ERBB4: variants seen among roughly 807,000 people sequenced by gnomAD.
ERBB4 encodes the protein receptor tyrosine-protein kinase erbB-4.
A neutral mutation model predicts 158.0 loss-of-function variants in ERBB4; 42 were observed. The ratio of observed to expected loss-of-function variants is 0.27; its 90% CI spans 0.21 to 0.34. ERBB4 has a LOEUF of 0.34. Among genes scored for constraint, ERBB4 ranks in the 10% least tolerant of loss-of-function variants. ERBB4 has a pLI of 1.00. For missense variants in ERBB4, 1,333 were observed against 1,624.1 expected (o/e 0.82, Z 3.08); for synonymous variants, 583 against 558.7 (o/e 1.04, Z -0.61).
intron 20 of ERBB4, among the ~76,000 whole-genome samples, chr2:211,462,217 G>A (rs1055413703): frequency 1.3e-5 from 2 of 151,880 alleles, no homozygotes; most frequent in Non-Finnish European, 2.9e-5. Flanking sequence ...GGGCAGGGGT[G>A]CTACACACTT....
chr2:212,524,198 T>C (rs1692322149), intron 1 of ERBB4, among the ~76,000 whole-genome samples: 1 of 152,024 alleles, frequency 6.6e-6, no homozygotes, highest in South Asian at 2.1e-4. Context: ...TTACCAAAAT[T>C]ATAATAATTA....
chr2:211,501,923 A>G (rs1185326312), intron 20 of ERBB4, among the ~76,000 whole-genome samples: 4 of 152,144 alleles, frequency 2.6e-5, no homozygotes, highest in South Asian at 2.1e-4. Flanking sequence ...CAGAGCATTT[A>G]TTAACGACTT....
chr2:212,492,648 C>CA, intron 1 of ERBB4, among the ~76,000 whole-genome samples: 1 of 151,372 alleles, frequency 6.6e-6, no homozygotes, highest in South Asian at 2.1e-4. Flanking sequence ...TAATATGTTT[C>CA]AACTATAAAA....
At chr2:211,800,370 C>A (rs747121648) in intron 3 of ERBB4, among the ~76,000 whole-genome samples, 7 of 152,046 alleles carry the variant, frequency 4.6e-5, no homozygotes, top group Admixed American at 3.9e-4. Context: ...GGTAAGAGTT[C>A]GAAAGAACCA....
intron 20 of ERBB4, among the ~76,000 whole-genome samples, chr2:211,441,475 C>T (rs555630533): frequency 4.2e-4 from 64 of 152,218 alleles, no homozygotes; most frequent in African/African-American, 1.5e-3. Flanking sequence ...AGCTCCCTGC[C>T]TCTAAGAAGC....
At chr2:212,152,912 G>A (rs1358968351) in intron 1 of ERBB4, among the ~76,000 whole-genome samples, 1 of 152,082 alleles carries the variant, frequency 6.6e-6, no homozygotes, top group Non-Finnish European at 1.5e-5. Flanking sequence ...TCTAAGCCTA[G>A]GCATTAAGAG....
chr2:212,040,591 T>C (rs377542794), intron 2 of ERBB4, among the ~76,000 whole-genome samples: 1 of 152,146 alleles, frequency 6.6e-6, no homozygotes, highest in Non-Finnish European at 1.5e-5. Context: ...GCATCACTAT[T>C]TCTAACTCGT....
intron 5 of ERBB4, among the ~76,000 whole-genome samples, chr2:211,745,715 G>GCAAAAAAA (rs1553623570): frequency 1.1e-5 from 1 of 94,394 alleles, no homozygotes; most frequent in African/African-American, 3.3e-5. Flanking sequence ...TCCACCGCCA[G>GCAAAAAAA]AAAAAAAACA....
intron 1 of ERBB4, among the ~76,000 whole-genome samples, chr2:212,134,260 G>C (rs1206233581): frequency 6.6e-6 from 1 of 151,546 alleles, no homozygotes; most frequent in East Asian, 1.9e-4. Context: ...TTACATTCTT[G>C]AATGAATCAT....
At chr2:211,679,913 C>T (rs889793207) in intron 12 of ERBB4, among the ~76,000 whole-genome samples, 2 of 152,136 alleles carry the variant, frequency 1.3e-5, no homozygotes, top group African/African-American at 4.8e-5. Flanking sequence ...CTCCTGACCT[C>T]AAGTGATCCA....
chr2:212,110,456 A>C (rs1231313118), intron 2 of ERBB4, among the ~76,000 whole-genome samples: 1 of 152,186 alleles, frequency 6.6e-6, no homozygotes, highest in Non-Finnish European at 1.5e-5. Flanking sequence ...TGCTGACCCC[A>C]TGGGCTTTGA....
chr2:211,906,947 G>A (rs924983795), intron 3 of ERBB4, among the ~76,000 whole-genome samples: 1 of 151,536 alleles, frequency 6.6e-6, no homozygotes, highest in East Asian at 2.0e-4. Context: ...TATGGTCATT[G>A]GTATAAAGAG....
At chr2:212,465,108 T>G (rs1269595635) in intron 1 of ERBB4, among the ~76,000 whole-genome samples, 2 of 152,138 alleles carry the variant, frequency 1.3e-5, no homozygotes, top group Non-Finnish European at 2.9e-5. Context: ...ATTGAAGAAT[T>G]AGCCCAGGAG....
chr2:211,627,593 CA>C (rs1480397685), intron 17 of ERBB4, among the ~76,000 whole-genome samples: 1 of 152,154 alleles, frequency 6.6e-6, no homozygotes, highest in Admixed American at 6.5e-5. Context: ...TATCGGTATG[CA>C]AAATGTGTGA....
intron 1 of ERBB4, among the ~76,000 whole-genome samples, chr2:212,441,326 G>A (rs1314994378): frequency 6.6e-6 from 1 of 152,182 alleles, no homozygotes; most frequent in Non-Finnish European, 1.5e-5. Flanking sequence ...AACAGTGATA[G>A]CCTTCCTGCT....
At chr2:212,035,295 T>G (rs1002000218) in intron 2 of ERBB4, among the ~76,000 whole-genome samples, 3 of 152,140 alleles carry the variant, frequency 2.0e-5, no homozygotes, top group Non-Finnish European at 4.4e-5. Flanking sequence ...TCCCAGAACT[T>G]AACTGTTTTA....
At chr2:211,831,764 G>A (rs551338663) in intron 3 of ERBB4, among the ~76,000 whole-genome samples, 11 of 152,050 alleles carry the variant, frequency 7.2e-5, no homozygotes, top group East Asian at 3.9e-4. Flanking sequence ...TTAGCCAGGC[G>A]TGGCAGCAGG....
intron 3 of ERBB4, among the ~76,000 whole-genome samples, chr2:211,924,888 C>T (rs1469178005): frequency 6.6e-6 from 1 of 152,174 alleles, no homozygotes; most frequent in African/African-American, 2.4e-5. Flanking sequence ...ATCCATTTTC[C>T]TCTTCAGGCT....
At chr2:212,363,313 A>G (rs1036027407) in intron 1 of ERBB4, among the ~76,000 whole-genome samples, 1 of 151,422 alleles carries the variant, frequency 6.6e-6, no homozygotes, top group Non-Finnish European at 1.5e-5. Flanking sequence ...TTGTATAACT[A>G]AAAGATAGAA....
Sources: allele counts gnomAD v4.1 joint callset (sites outside exome capture counted in the v4.1 genomes callset), GRCh38; gene constraint gnomAD v4.1.1; transcripts MANE v1.5; gene names NCBI Gene and HGNC (gene_info 2026-07-23, HGNC 2026-07-21).